Variants in CD163L1 observed in about 807,000 individuals in gnomAD.
CD163L1 encodes CD163 molecule like 1.
In CD163L1, 124 loss-of-function variants were observed where a neutral mutation model predicts 165.4. The ratio of observed to expected loss-of-function variants is 0.75; its 90% CI spans 0.65 to 0.87. The LOEUF (loss-of-function observed/expected upper bound fraction) is 0.87. Among genes scored for constraint, CD163L1 ranks in the 40% least tolerant of loss-of-function variants. CD163L1 has a pLI of 0.00. For missense variants in CD163L1, 1,525 were observed against 1,799.9 expected (o/e 0.85, Z 2.76); for synonymous variants, 585 against 662.2 (o/e 0.88, Z 1.79).
At chr12:7,328,286 G>A in the CD163L1 span, 5 of 1,578,170 alleles carry the variant, frequency 3.2e-6, no homozygotes, top group Middle Eastern at 5.0e-4. Flanking sequence ...CTGTCAATTA[G>A]GTGGAATTTG....
At chr12:7,344,086 TG>T (rs1422696879), downstream of CD163L1, among the ~76,000 whole-genome samples, 1 of 151,508 alleles carries the variant, frequency 6.6e-6, no homozygotes, top group East Asian at 1.9e-4. Context: ...CCTTTTTTTT[TG>T]TTTGTTTTTT....
At chr12:7,392,816 T>C (rs945424293) in intron 8 of CD163L1, among the ~76,000 whole-genome samples, 1 of 151,596 alleles carries the variant, frequency 6.6e-6, no homozygotes, top group African/African-American at 2.4e-5. Context: ...AACTAGAAAA[T>C]CGAGAAGAAG....
chr12:7,441,057 G>A, intron 2 of CD163L1, 97 bp downstream of exon 2: 2 of 812,974 alleles, frequency 2.5e-6, no homozygotes, highest in African/African-American at 1.7e-5. Context: ...ATTTTTACAT[G>A]TTCTATTTCC....
the CD163L1 span, chr12:7,320,654 TG>T: frequency 7.9e-7 from 1 of 1,268,398 alleles, no homozygotes. Flanking sequence ...AATAACAGGG[TG>T]TAGATATCAG....
At chr12:7,409,450 C>T (rs181783956) in intron 4 of CD163L1, among the ~76,000 whole-genome samples, 1 of 152,220 alleles carries the variant, frequency 6.6e-6, no homozygotes, top group Admixed American at 6.5e-5. Flanking sequence ...AACTGTTCTG[C>T]CTCAGATAAT....
At chr12:7,373,748 A>G (rs1947195056) in intron 13 of CD163L1, 108 bp from the exon 14 acceptor site, 2 of 893,284 alleles carry the variant, frequency 2.2e-6, no homozygotes, top group Non-Finnish European at 3.4e-6. Flanking sequence ...GGCTCACAAT[A>G]CAATTTCATA....
intron 4 of CD163L1, among the ~76,000 whole-genome samples, chr12:7,413,927 T>C (rs1257751821): frequency 1.3e-5 from 2 of 151,988 alleles, no homozygotes; most frequent in African/African-American, 4.8e-5. Flanking sequence ...ATAAAAAAGG[T>C]CTGAGAGACC....
intron 4 of CD163L1, among the ~76,000 whole-genome samples, chr12:7,430,321 C>T (rs1207979156): frequency 6.6e-6 from 1 of 152,146 alleles, no homozygotes; most frequent in Non-Finnish European, 1.5e-5. Flanking sequence ...AGATTATTCA[C>T]TTGTTGTAAG....
intron 9 of CD163L1, among the ~76,000 whole-genome samples, chr12:7,376,632 C>T (rs1257162332): frequency 6.6e-6 from 1 of 152,172 alleles, no homozygotes; most frequent in Non-Finnish European, 1.5e-5. Flanking sequence ...AGGCTGCAGA[C>T]TTCCATATTT....
At position 7,400,929 on chromosome 12, in the gene CD163L1, A is replaced by G. The variant is rs1406787315; in HGVS notation, c.1409-2345T>C. On this transcript the variant is annotated intron_variant, in intron 6 of 19. Coordinates refer to ENST00000313599, the MANE Select transcript of CD163L1 (RefSeq NM_174941.6). This position sits in a 1 kb window ranked among gnomAD's most constrained non-coding sequence, Gnocchi z 4.1. The stretch of plus-strand genomic sequence containing the variant: ...TACACAGAGTTCTTACACATTATGA[A>G]GACAAAGACATCACACAGCAGAAAA... 3.3e-5 allele frequency among the ~76,000 whole-genome samples: 5 copies of G among 152,236 alleles called. No homozygotes were observed. The highest frequency in any genetic ancestry group is 1.2e-4 in the African/African-American group (5 of 41,472).
intron 6 of CD163L1, among the ~76,000 whole-genome samples, chr12:7,401,982 A>T (rs1947923642): frequency 1.3e-5 from 2 of 152,100 alleles, no homozygotes; most frequent in East Asian, 3.9e-4. Flanking sequence ...TTGTCTACCA[A>T]ATTGATCACA....
intron 4 of CD163L1, among the ~76,000 whole-genome samples, chr12:7,414,547 A>G (rs1948200053): frequency 8.1e-6 from 1 of 123,834 alleles, no homozygotes; most frequent in African/African-American, 4.1e-5. Flanking sequence ...AAATTTAAAA[A>G]TTAATAACTA....
At chr12:7,410,496 C>T (rs1033405743) in intron 4 of CD163L1, among the ~76,000 whole-genome samples, 4 of 151,916 alleles carry the variant, frequency 2.6e-5, no homozygotes, top group East Asian at 1.9e-4. Flanking sequence ...CCCAGCTACT[C>T]GGGAGGCTGA....
chr12:7,413,111 A>G (rs1376941486), intron 4 of CD163L1, among the ~76,000 whole-genome samples: 6 of 151,022 alleles, frequency 4.0e-5, no homozygotes, highest in Non-Finnish European at 7.4e-5. Flanking sequence ...AAAAAAAAAA[A>G]AAGAGGTTCA....
the CD163L1 span, among the ~76,000 whole-genome samples, chr12:7,327,936 T>C: frequency 6.6e-6 from 1 of 152,172 alleles, no homozygotes; most frequent in African/African-American, 2.4e-5. Flanking sequence ...CATCCAGCTC[T>C]GAAAAGACAA....
At chr12:7,403,202 A>C (rs1202602576) in intron 6 of CD163L1, among the ~76,000 whole-genome samples, 1 of 152,158 alleles carries the variant, frequency 6.6e-6, no homozygotes, top group Non-Finnish European at 1.5e-5. Context: ...ATTAAATAAA[A>C]AAAGTTAAAA....
chr12:7,443,748 G>T (rs1948857568), intron 1 of CD163L1, among the ~76,000 whole-genome samples: 1 of 152,086 alleles, frequency 6.6e-6, no homozygotes, highest in Non-Finnish European at 1.5e-5. Flanking sequence ...AAATTGAGAT[G>T]ACCTAAAGCA....
downstream of CD163L1, among the ~76,000 whole-genome samples, chr12:7,350,646 C>G (rs1407752293): frequency 1.3e-5 from 2 of 152,116 alleles, no homozygotes; most frequent in Non-Finnish European, 2.9e-5. Flanking sequence ...AGATAACAAT[C>G]AGATGTTGTG....
the CD163L1 span, chr12:7,324,384 G>A: frequency 6.2e-7 from 1 of 1,614,086 alleles, no homozygotes; most frequent in Non-Finnish European, 8.5e-7. Context: ...AGCTGATGAT[G>A]TCATTATATC....
Sources: gnomAD v4.1 joint callset for allele counts (sites outside exome capture counted in the v4.1 genomes callset) on GRCh38, gnomAD v4.1.1 for gene constraint, Gnocchi (gnomAD v3.1) non-coding constraint, MANE v1.5 for transcripts, NCBI Gene and HGNC (gene_info 2026-07-23, HGNC 2026-07-21) for gene names.